Variants in ZBTB7B observed in about 807,000 individuals in gnomAD.
ZBTB7B encodes zinc finger and BTB domain-containing protein 7B.
A neutral mutation model predicts 31.0 loss-of-function variants in ZBTB7B; 8 were observed. That is an observed-to-expected ratio of 0.26 (90% confidence interval 0.15 to 0.47). ZBTB7B has a LOEUF of 0.47. Among genes scored for constraint, ZBTB7B ranks in the 20% least tolerant of loss-of-function variants. ZBTB7B has a pLI of 0.99. For synonymous variants in ZBTB7B, 261 were observed against 307.3 expected (o/e 0.85, Z 1.58); for missense variants, 494 against 742.4 (o/e 0.67, Z 3.89).
At chr1:155,010,943 T>G (rs1408000379) in intron 1 of ZBTB7B, 1 of 1,535,390 alleles carries the variant, frequency 6.5e-7, no homozygotes, top group East Asian at 2.4e-5. Context: ...GTCCTCATCC[T>G]CCCTCACCCC....
chr1:155,002,322 G>A (rs1394185813), upstream of ZBTB7B, among the ~76,000 whole-genome samples: 8 of 150,244 alleles, frequency 5.3e-5, no homozygotes, highest in East Asian at 1.6e-3. Context: ...GAGAGATAGG[G>A]GCAGGAGAAA....
intron 1 of ZBTB7B, among the ~76,000 whole-genome samples, chr1:155,006,878 A>G (rs779946709): frequency 4.1e-4 from 63 of 152,038 alleles, no homozygotes; most frequent in Non-Finnish European, 7.9e-4. Context: ...CTCTTCTTAA[A>G]CCTAGCCCCC....
At chr1:155,010,880 G>A in intron 1 of ZBTB7B, 1 of 1,518,248 alleles carries the variant, frequency 6.6e-7, no homozygotes. Context: ...CAGGAGCGTT[G>A]GGAAGAGCCT....
Position 155,016,893 on chromosome 1 carries a change from A to G in ZBTB7B, c.*208A>G. 1.8e-6 allele frequency: 1 copy of G among 544,706 alleles called. No individual in the cohort carries two copies. The highest frequency in any genetic ancestry group is 3.3e-6 in the Non-Finnish European group (1 of 305,908). 33.7% of individuals were successfully genotyped at this position (544,706 alleles called of 1,614,324 possible). A position where few individuals can be genotyped will look rare whatever the true frequency, so the allele number is the denominator to read the frequency against. On this transcript the variant is annotated 3_prime_UTR_variant, in exon 3 of 3. Transcript: ENST00000535420. The surrounding 1 kb of genome is among the most constrained non-coding windows in gnomAD (Gnocchi z 4.3). The stretch of plus-strand genomic sequence containing the variant: ...CCCAAATTGGGGTGATCCCCCAAGG[A>G]GTGATACATATATTGTGTATATATT...
At chr1:155,013,763 G>A (rs1397291006) in intron 1 of ZBTB7B, among the ~76,000 whole-genome samples, 1 of 151,774 alleles carries the variant, frequency 6.6e-6, no homozygotes, top group African/African-American at 2.4e-5. Flanking sequence ...GGGCGGGGGC[G>A]ATGCTTATCT....
intron 1 of ZBTB7B, among the ~76,000 whole-genome samples, chr1:155,008,757 G>T (rs1203615252): frequency 6.6e-6 from 1 of 152,164 alleles, no homozygotes; most frequent in African/African-American, 2.4e-5. Context: ...CACGCCGCCA[G>T]CCCTCCGGTA....
rs1659612424 is a variant in ZBTB7B at position 155,018,230 on chromosome 1, C to T, written c.*1545C>T. 3.1e-6 allele frequency: 1 copy of T among 325,156 alleles called. No homozygotes were observed. Among genetic ancestry groups the T allele is most frequent in the Non-Finnish European group, 5.8e-6 (1 of 171,976 alleles). 20.1% of individuals were successfully genotyped at this position (325,156 alleles called of 1,614,324 possible). A position where few individuals can be genotyped will look rare whatever the true frequency, so the allele number is the denominator to read the frequency against. On this transcript the variant is annotated 3_prime_UTR_variant, in exon 3 of 3. Transcript: ENST00000535420. The stretch of plus-strand genomic sequence containing the variant: ...ACAGGGAGGGGGTAGCGGGACCAGT[C>T]CCTGTTATCTATTTAAAAAGTGATG...
chr1:155,016,451 C>A lies in ZBTB7B; in HGVS notation c.1386C>A (p.Arg462=). ...QNCLEVRTRR[R]RKDDAPPHYP... is the part of the protein sequence containing the mutation. The stretch of plus-strand genomic sequence containing the variant: ...GCCTGGAGGTGCGCACCCGACGGCG[C>A]CGCAAGGACGATGCACCACCCCACT... The change falls in exon 3 of 3, where the codon CGC becomes CGA. Residue 462 remains arginine, a synonymous_variant. Transcript: ENST00000535420. This position sits in a 1 kb window ranked among gnomAD's most constrained non-coding sequence, Gnocchi z 4.3. 6.2e-7 allele frequency: 1 copy of A among 1,614,074 alleles called. No homozygotes were observed.
At chr1:155,013,513 C>T (rs1044889003) in intron 1 of ZBTB7B, among the ~76,000 whole-genome samples, 2 of 152,244 alleles carry the variant, frequency 1.3e-5, no homozygotes, top group African/African-American at 2.4e-5. Context: ...TAAAGCAGGT[C>T]TCACCCCCTT....
intron 1 of ZBTB7B, among the ~76,000 whole-genome samples, chr1:155,006,473 G>A (rs954279769): frequency 2.0e-5 from 3 of 152,150 alleles, no homozygotes; most frequent in Non-Finnish European, 4.4e-5. Context: ...GAGCTTCCCA[G>A]TCAGCAAATA....
chr1:155,006,172 G>A (rs1469453010), intron 1 of ZBTB7B, among the ~76,000 whole-genome samples: 4 of 152,160 alleles, frequency 2.6e-5, no homozygotes, highest in African/African-American at 9.7e-5. Context: ...ATATTCACTG[G>A]CACAGGGACA....
rs372761360 is a variant in ZBTB7B, at chr1:155,014,897, G to A, written c.237G>A (p.Thr79=). 66 of 1,613,924 alleles carry A rather than the reference G, an allele frequency of 4.1e-5. No homozygotes were observed. The highest frequency in any genetic ancestry group is 5.5e-5 in the Non-Finnish European group (65 of 1,180,012). The part of the protein sequence containing the change: ...GAVMGAGGSG[T]ATGGAGAGVC... ...TCATGGGGGCCGGGGGTAGCGGGAC[G>A]GCCACTGGGGGAGCAGGGGCCGGTG... Residue 79 remains threonine (T), a synonymous_variant, in exon 2 of 3, where the codon ACG becomes ACA. Transcript: ENST00000535420.
At chr1:155,006,253 G>C (rs1658549173) in intron 1 of ZBTB7B, among the ~76,000 whole-genome samples, 1 of 152,168 alleles carries the variant, frequency 6.6e-6, no homozygotes, top group South Asian at 2.1e-4. Context: ...CATAGTTTGG[G>C]ATGGACATCT....
chr1:155,002,703 G>T (rs1235707168), upstream of ZBTB7B: 2 of 135,082 alleles, frequency 1.5e-5, no homozygotes, highest in Non-Finnish European at 3.3e-5. Flanking sequence ...CGGGCCCTGA[G>T]GGGGGGGCGG....
chr1:155,014,163 A>C, intron 1 of ZBTB7B: 1 of 892,656 alleles, frequency 1.1e-6, no homozygotes, highest in Non-Finnish European at 1.3e-6. Context: ...CTGTTACCTC[A>C]CTTTTCAAAT....
In ZBTB7B at chr1:155,016,891, GGA is replaced by G; in HGVS notation, c.*208_*209del. ...TCCCCAAATTGGGGTGATCCCCCAA[GGA>G]GTGATACATATATTGTGTATATATT... On this transcript the variant is annotated 3_prime_UTR_variant, in exon 3 of 3. Coordinates refer to ENST00000535420, the MANE Select transcript of ZBTB7B (RefSeq NM_001256455.2). The surrounding 1 kb of genome is among the most constrained non-coding windows in gnomAD (Gnocchi z 4.3). 1.8e-6 allele frequency: 1 copy of G among 547,472 alleles called. No homozygotes were observed. The highest frequency in any genetic ancestry group is 3.3e-6 in the Non-Finnish European group (1 of 307,304). 33.9% of individuals were successfully genotyped at this position (547,472 alleles called of 1,614,324 possible).
At position 155,018,458 on chromosome 1, in the gene ZBTB7B, C is replaced by T; in HGVS notation, c.*1773C>T. The T allele has an allele frequency of 7.3e-7, 1 of 1,363,048 alleles. No individual in the cohort carries two copies. Among genetic ancestry groups the T allele is most frequent in the Non-Finnish European group, 1.0e-6 (1 of 996,046 alleles). 84.4% of individuals were successfully genotyped at this position (1,363,048 alleles called of 1,614,324 possible). A position where few individuals can be genotyped will look rare whatever the true frequency, so the allele number is the denominator to read the frequency against. Reference sequence around the variant, plus strand: ...GCACTCCCCCCCTCCTATTCCCTTCCCCCCACCCCAACTCCCCCACCTCGG... The same window carrying T: ...GCACTCCCCCCCTCCTATTCCCTTCTCCCCACCCCAACTCCCCCACCTCGG... On this transcript the variant is annotated 3_prime_UTR_variant, in exon 3 of 3. Coordinates refer to ENST00000535420, the MANE Select transcript of ZBTB7B (RefSeq NM_001256455.2).
chr1:155,018,107 A>G lies in ZBTB7B; in HGVS notation c.*1422A>G. 1 of 176,712 alleles carries G rather than the reference A, an allele frequency of 5.7e-6. No individual in the cohort carries two copies. The highest frequency in any genetic ancestry group is 1.2e-5 in the Non-Finnish European group (1 of 81,516). 10.9% of individuals were successfully genotyped at this position (176,712 alleles called of 1,614,324 possible). A position where few individuals can be genotyped will look rare whatever the true frequency, so the allele number is the denominator to read the frequency against. ...CTGACGGCTCCTCCCCCTCCTTAAA[A>G]GGGGCAGGTTCAGGGGCCCGGTGCT... On this transcript the variant is annotated 3_prime_UTR_variant, in exon 3 of 3. Transcript: ENST00000535420.
chr1:155,014,610 C>T (rs925663555), intron 1 of ZBTB7B, 45 bp from the exon 2 acceptor site: 1 of 1,562,950 alleles, frequency 6.4e-7, no homozygotes, highest in Non-Finnish European at 8.7e-7. Flanking sequence ...CCCCAGACCC[C>T]TGTGGGCTGA....
Sources: gnomAD v4.1 joint callset for allele counts (sites outside exome capture counted in the v4.1 genomes callset) on GRCh38, gnomAD v4.1.1 for gene constraint, Gnocchi (gnomAD v3.1) non-coding constraint, MANE v1.5 for transcripts, NCBI Gene and HGNC (gene_info 2026-07-23, HGNC 2026-07-21) for gene names.